TMEM132D: variants seen among roughly 807,000 people sequenced by gnomAD.
The protein encoded by TMEM132D is transmembrane protein 132D.
A neutral mutation model predicts 62.3 loss-of-function variants in TMEM132D; 21 were observed. The observed-to-expected ratio is 0.34, with a 90% CI of 0.24 to 0.49. TMEM132D has a LOEUF of 0.49. Among genes scored for constraint, TMEM132D ranks in the 20% least tolerant of loss-of-function variants. TMEM132D has a pLI of 0.99. For synonymous variants in TMEM132D, 621 were observed against 575.6 expected, an observed-to-expected ratio of 1.08 and a Z score of -1.13; for missense variants, 1,346 against 1,402.8, an observed-to-expected ratio of 0.96 and a Z score of 0.65.
chr12:129,413,455 G>A (rs1481717839), intron 3 of TMEM132D, among the ~76,000 whole-genome samples: 1 of 152,130 alleles, frequency 6.6e-6, no homozygotes, highest in East Asian at 1.9e-4. Flanking sequence ...ACAGACTTGG[G>A]TATGTCTTTG....
chr12:129,595,471 C>T (rs761181387), intron 2 of TMEM132D, among the ~76,000 whole-genome samples: 2 of 152,190 alleles, frequency 1.3e-5, no homozygotes, highest in Admixed American at 6.5e-5. Context: ...ATCCTTTACA[C>T]CTCTCAGTAC....
chr12:129,535,781 T>C lies in TMEM132D; in HGVS notation c.969-4576A>G, dbSNP rs530316339. Among the ~76,000 whole-genome samples, 561 of 98,040 alleles carry C rather than the reference T, an allele frequency of 5.7e-3. 2 individuals are homozygous for C. Among genetic ancestry groups the C allele is most frequent in the African/African-American group, 0.011 (217 of 20,240 alleles). 64.3% of individuals were successfully genotyped at this position (98,040 alleles called of 152,430 possible). A position where few individuals can be genotyped will look rare whatever the true frequency, so the allele number is the denominator to read the frequency against. On this transcript the variant is annotated intron_variant, in intron 2 of 8. Coordinates refer to ENST00000422113, the MANE Select transcript of TMEM132D (RefSeq NM_133448.3). ...GATTCATTTAAGATTTGTGTGCGTG[T>C]GTGTGTGTGTGTGTGTGTGTGTGTG...
chr12:129,128,425 T>C (rs1433764010), intron 5 of TMEM132D, among the ~76,000 whole-genome samples: 1 of 152,242 alleles, frequency 6.6e-6, no homozygotes, highest in South Asian at 2.1e-4. Flanking sequence ...TCTTACACGG[T>C]GGCAGGAGCG....
rs1339876972 is a variant in TMEM132D, at chr12:129,234,370, C to T, written c.1300-24707G>A. ...GAATTGACGTGCAAGTAAAGGATTC[C>T]AATCCTGTCTCATTGTAGGCTCCGT... On this transcript the variant is annotated intron_variant, in intron 4 of 8. Coordinates refer to ENST00000422113, the MANE Select transcript of TMEM132D (RefSeq NM_133448.3). 2.6e-5 allele frequency among the ~76,000 whole-genome samples: 4 copies of T among 152,096 alleles called. No individual in the cohort carries two copies. In the East Asian group the frequency reaches 5.8e-4, roughly 22 times the overall value.
intron 4 of TMEM132D, among the ~76,000 whole-genome samples, chr12:129,304,662 C>CTTTTTTTTTTT (rs35812965): frequency 2.1e-5 from 2 of 93,606 alleles, no homozygotes; most frequent in Non-Finnish European, 4.1e-5. Context: ...ATACTTGGAT[C>CTTTTTTTTTTT]TTTTTTTTTT....
chr12:129,657,894 T>C (rs1880133834), intron 2 of TMEM132D, among the ~76,000 whole-genome samples: 2 of 152,208 alleles, frequency 1.3e-5, no homozygotes, highest in Admixed American at 1.3e-4. Flanking sequence ...AGTCAACTAT[T>C]AATTCAGAAC....
intron 5 of TMEM132D, among the ~76,000 whole-genome samples, chr12:129,171,744 T>C (rs929365991): frequency 1.3e-5 from 2 of 152,230 alleles, no homozygotes; most frequent in African/African-American, 4.8e-5. Flanking sequence ...AAATCTTTTC[T>C]TCTGAGAAGT....
intron 4 of TMEM132D, among the ~76,000 whole-genome samples, chr12:129,323,610 T>A (rs1028385084): frequency 3.9e-5 from 6 of 152,188 alleles, no homozygotes; most frequent in African/African-American, 1.2e-4. Flanking sequence ...TGATGGGAAG[T>A]TCACAGGTTA....
intron 3 of TMEM132D, among the ~76,000 whole-genome samples, chr12:129,493,294 A>C (rs374991766): frequency 6.6e-6 from 1 of 152,228 alleles, no homozygotes; most frequent in Non-Finnish European, 1.5e-5. Context: ...ACCCACTTTA[A>C]TATCTAAGAC....
At chr12:129,281,054 C>G (rs1329145216) in intron 4 of TMEM132D, among the ~76,000 whole-genome samples, 1 of 152,090 alleles carries the variant, frequency 6.6e-6, no homozygotes, top group African/African-American at 2.4e-5. Flanking sequence ...GGAAATAAGG[C>G]CACTTTCTGA....
chr12:129,126,785 T>C (rs780533505), intron 5 of TMEM132D, among the ~76,000 whole-genome samples: 1 of 152,194 alleles, frequency 6.6e-6, no homozygotes, highest in Non-Finnish European at 1.5e-5. Context: ...AGCATAGAAT[T>C]GATCAGTTAA....
At chr12:129,078,381 C>T (rs572658993) in intron 8 of TMEM132D, among the ~76,000 whole-genome samples, 153 bp downstream of exon 8, 3 of 152,202 alleles carry the variant, frequency 2.0e-5, no homozygotes, top group South Asian at 2.1e-4. Flanking sequence ...AGAGGAGTCA[C>T]CTGCTTCAGA....
intron 1 of TMEM132D, among the ~76,000 whole-genome samples, chr12:129,727,147 G>T (rs1469872854): frequency 6.6e-6 from 1 of 152,110 alleles, no homozygotes; most frequent in African/African-American, 2.4e-5. Flanking sequence ...CCCTATTTTG[G>T]TGACTTGACA....
intron 3 of TMEM132D, among the ~76,000 whole-genome samples, chr12:129,484,044 A>G (rs1874508842): frequency 6.6e-6 from 1 of 152,046 alleles, no homozygotes; most frequent in Non-Finnish European, 1.5e-5. Context: ...ATTTCAGCTT[A>G]CTGTAACCTT....
In TMEM132D at chr12:129,153,715, T is replaced by TC. The variant is rs200483588; in HGVS notation, c.1443+55804dup. Reference sequence around the variant, plus strand: ...CCCAAGCTCAGTGGTTTGGGGTGCCTCCAGCAGTAGGGCCAGGGGCTCAGG... The same window carrying TC: ...CCCAAGCTCAGTGGTTTGGGGTGCCTCCCAGCAGTAGGGCCAGGGGCTCAGG... On this transcript the variant is annotated intron_variant, in intron 5 of 8. Transcript: ENST00000422113. Among the ~76,000 whole-genome samples, 806 of 152,200 alleles carry TC rather than the reference T, an allele frequency of 5.3e-3. 8 individuals are homozygous for TC. The highest frequency in any genetic ancestry group is 0.018 in the African/African-American group (729 of 41,536).
chr12:129,630,527 A>G (rs111426710), intron 2 of TMEM132D, among the ~76,000 whole-genome samples: 31 of 152,132 alleles, frequency 2.0e-4, no homozygotes, highest in African/African-American at 6.8e-4. Flanking sequence ...TAAGAAGGAG[A>G]ATAATTCAAA....
At chr12:129,357,944 G>C (rs1328173741) in intron 3 of TMEM132D, among the ~76,000 whole-genome samples, 1 of 152,140 alleles carries the variant, frequency 6.6e-6, no homozygotes, top group Non-Finnish European at 1.5e-5. Context: ...TTTCCTCTTG[G>C]ACATTATCAC....
chr12:129,450,328 T>A (rs985604425), intron 3 of TMEM132D, among the ~76,000 whole-genome samples: 1 of 152,216 alleles, frequency 6.6e-6, no homozygotes, highest in Non-Finnish European at 1.5e-5. Flanking sequence ...AGAGTTTTTA[T>A]AGTTTTGGGT....
At chr12:129,596,822 C>G (rs1013200412) in intron 2 of TMEM132D, among the ~76,000 whole-genome samples, 2 of 151,956 alleles carry the variant, frequency 1.3e-5, no homozygotes, top group Non-Finnish European at 2.9e-5. Flanking sequence ...ATCCACCCCC[C>G]GCCAATAAAG....
Sources: allele counts gnomAD v4.1 joint callset (sites outside exome capture counted in the v4.1 genomes callset), GRCh38; gene constraint gnomAD v4.1.1; transcripts MANE v1.5; gene names NCBI Gene and HGNC (gene_info 2026-07-23, HGNC 2026-07-21).